The following PDE1C variants were observed in gnomAD, a reference collection of about 807,000 sequenced individuals.
The protein encoded by PDE1C is phosphodiesterase 1C, also known as dual specificity calcium/calmodulin-dependent 3',5'-cyclic nucleotide phosphodiesterase 1C.
Under a neutral mutation model 93.1 loss-of-function variants are expected in PDE1C, and 62 were observed. The observed-to-expected ratio is 0.67, with a 90% CI of 0.54 to 0.82. The LOEUF is 0.82. Among genes scored for constraint, PDE1C ranks in the 40% least tolerant of loss-of-function variants. The pLI is 0.00. For synonymous variants in PDE1C, 325 were observed against 310.1 expected, an observed-to-expected ratio of 1.05 and a Z score of -0.50; for missense variants, 742 against 884.6, an observed-to-expected ratio of 0.84 and a Z score of 2.04.
At chr7:31,643,415 G>A in the PDE1C span, 2 of 1,613,944 alleles carry the variant, frequency 1.2e-6, no homozygotes, top group Non-Finnish European at 1.7e-6. Context: ...TCAAGGTCTG[G>A]TACTTTGGGT....
At chr7:31,974,747 G>A (rs1811426152) in intron 2 of PDE1C, among the ~76,000 whole-genome samples, 1 of 152,134 alleles carries the variant, frequency 6.6e-6, no homozygotes, top group African/African-American at 2.4e-5. Context: ...CCTGTAGTGT[G>A]GGAATTGACT....
At chr7:31,932,580 G>T (rs1310777003) in intron 2 of PDE1C, among the ~76,000 whole-genome samples, 1 of 152,206 alleles carries the variant, frequency 6.6e-6, no homozygotes, top group Non-Finnish European at 1.5e-5. Flanking sequence ...TGCGGGTGAG[G>T]ATGTGGAGAA....
At chr7:31,699,034 AG>A in the PDE1C span, among the ~76,000 whole-genome samples, 3 of 152,176 alleles carry the variant, frequency 2.0e-5, no homozygotes, top group African/African-American at 7.2e-5. Flanking sequence ...CCAAAGAAAA[AG>A]TCCTTGCTCT....
intron 2 of PDE1C, among the ~76,000 whole-genome samples, chr7:31,920,562 T>C (rs1191803853): frequency 6.6e-6 from 1 of 151,788 alleles, no homozygotes; most frequent in East Asian, 1.9e-4. Flanking sequence ...CTTTTTTTTA[T>C]CACCATTTTT....
intron 2 of PDE1C, among the ~76,000 whole-genome samples, chr7:31,952,311 G>A (rs370399661): frequency 2.6e-5 from 4 of 151,834 alleles, no homozygotes; most frequent in East Asian, 3.9e-4. Context: ...ATGTAGTGGC[G>A]TAATCTCGAC....
the PDE1C span, among the ~76,000 whole-genome samples, chr7:31,712,395 T>C: frequency 2.0e-5 from 3 of 152,248 alleles, no homozygotes; most frequent in African/African-American, 7.2e-5. Context: ...ACTCTGATAA[T>C]AGACTAGATA....
chr7:31,745,114 CTCTT>C, the PDE1C span, among the ~76,000 whole-genome samples: 1 of 152,194 alleles, frequency 6.6e-6, no homozygotes, highest in Admixed American at 6.5e-5. Context: ...ACTATGCTCT[CTCTT>C]CATCTATGGA....
intron 13 of PDE1C, among the ~76,000 whole-genome samples, 193 bp from the exon 14 acceptor site, chr7:31,823,441 A>T (rs1359269265): frequency 6.6e-6 from 1 of 152,164 alleles, no homozygotes; most frequent in Non-Finnish European, 1.5e-5. Context: ...CAGGAAAAAC[A>T]TCAACATTGC....
chr7:31,870,370 G>GA (rs935006656), intron 6 of PDE1C, among the ~76,000 whole-genome samples: 4 of 150,724 alleles, frequency 2.7e-5, no homozygotes, highest in African/African-American at 9.7e-5. Flanking sequence ...GACTAACAAA[G>GA]AAAAAAAAGA....
chr7:31,809,939 A>G (rs1421114867), intron 15 of PDE1C, among the ~76,000 whole-genome samples: 1 of 152,118 alleles, frequency 6.6e-6, no homozygotes, highest in African/African-American at 2.4e-5. Context: ...CCCTGGGTCA[A>G]TGGTGCCCAC....
At chr7:31,740,232 A>T in the PDE1C span, among the ~76,000 whole-genome samples, 1 of 152,194 alleles carries the variant, frequency 6.6e-6, no homozygotes, top group East Asian at 1.9e-4. Context: ...TCTGCAAACA[A>T]AGTCACCCAC....
At chr7:32,427,182 T>A (rs1463253135) in intron 1 of PDE1C, among the ~76,000 whole-genome samples, 2 of 152,184 alleles carry the variant, frequency 1.3e-5, no homozygotes, top group Non-Finnish European at 2.9e-5. Flanking sequence ...TGCATAGTAT[T>A]TTACAGTTTT....
At chr7:32,303,332 G>C (rs1040619550), upstream of PDE1C, among the ~76,000 whole-genome samples, 5 of 152,194 alleles carry the variant, frequency 3.3e-5, no homozygotes, top group Admixed American at 1.3e-4. Context: ...AGAGAGAAAA[G>C]AAGGAATTAA....
At chr7:32,342,447 C>A (rs1470218557) in intron 1 of PDE1C, among the ~76,000 whole-genome samples, 7 of 152,164 alleles carry the variant, frequency 4.6e-5, no homozygotes, top group Admixed American at 3.3e-4. Context: ...ATAATTCTTT[C>A]TTTTATATAA....
intron 1 of PDE1C, among the ~76,000 whole-genome samples, chr7:32,273,547 C>T (rs1811100090): frequency 6.6e-6 from 1 of 152,200 alleles, no homozygotes; most frequent in South Asian, 2.1e-4. Flanking sequence ...GGACTTCCTT[C>T]ATGGTTCCTT....
intron 16 of PDE1C, chr7:31,808,411 A>G (rs1179990914): frequency 2.2e-5 from 5 of 222,556 alleles, no homozygotes; most frequent in Non-Finnish European, 4.7e-5. Flanking sequence ...CTTATAGTTC[A>G]AAGTGTGAAG....
chr7:31,952,112 T>G (rs73310519), intron 2 of PDE1C, among the ~76,000 whole-genome samples: 24,721 of 152,062 alleles, frequency 0.16, 3,475 homozygotes, highest in African/African-American at 0.39. Flanking sequence ...ACTCCCCCAG[T>G]ATCATACATG....
chr7:32,183,246 A>G (rs1456864818), intron 2 of PDE1C, among the ~76,000 whole-genome samples: 8 of 152,248 alleles, frequency 5.3e-5, no homozygotes, highest in Non-Finnish European at 1.0e-4. Context: ...TATAGATTCA[A>G]TGCCATCCCC....
chr7:31,643,926 G>C, the PDE1C span: 2 of 1,613,064 alleles, frequency 1.2e-6, no homozygotes, highest in Admixed American at 3.3e-5. Context: ...AAGCCCTTCA[G>C]GACACTACAG....
Sources: allele counts gnomAD v4.1 joint callset (sites outside exome capture counted in the v4.1 genomes callset), GRCh38; gene constraint gnomAD v4.1.1; transcripts MANE v1.5; gene names NCBI Gene and HGNC (gene_info 2026-07-23, HGNC 2026-07-21).